The following RASAL1 variants were observed in gnomAD, a reference collection of about 807,000 sequenced individuals.
The protein encoded by RASAL1 is RAS protein activator like 1.
A neutral mutation model predicts 96.6 loss-of-function variants in RASAL1; 72 were observed. The observed-to-expected ratio is 0.75, with a 90% CI of 0.62 to 0.91. The LOEUF is 0.91. Ranked by LOEUF, RASAL1 falls within the 40% of genes least tolerant of loss-of-function variation. The pLI, the probability that RASAL1 is intolerant of heterozygous loss-of-function variation, is 0.00. For missense variants in RASAL1, 1,016 were observed against 1,072.5 expected (o/e 0.95, Z 0.74); for synonymous variants, 405 against 430.4 (o/e 0.94, Z 0.73).
intron 13 of RASAL1, among the ~76,000 whole-genome samples, chr12:113,111,094 CT>C (rs1950850668): frequency 6.6e-6 from 1 of 152,088 alleles, no homozygotes; most frequent in Non-Finnish European, 1.5e-5. Context: ...ACCCCACGCG[CT>C]GCTTGCTTTG....
intron 1 of RASAL1, 70 bp from the exon 2 acceptor site, chr12:113,131,011 G>T: frequency 8.2e-7 from 1 of 1,219,236 alleles, no homozygotes; most frequent in Non-Finnish European, 1.2e-6. Flanking sequence ...TCCCAGTCAT[G>T]ACACAGGCAG....
intron 13 of RASAL1, among the ~76,000 whole-genome samples, chr12:113,109,736 G>T (rs1468040963): frequency 6.6e-6 from 1 of 152,166 alleles, no homozygotes; most frequent in Admixed American, 6.5e-5. Context: ...TAGGAGCTGG[G>T]TACCTAGAAC....
chr12:113,103,703 T>C (rs1312231897), intron 18 of RASAL1: 3 of 592,964 alleles, frequency 5.1e-6, no homozygotes, highest in Non-Finnish European at 8.9e-6. Context: ...GTGAGTACTT[T>C]AGAAATAACA....
intron 1 of RASAL1, among the ~76,000 whole-genome samples, chr12:113,133,155 G>A (rs1812695784): frequency 6.6e-6 from 1 of 152,220 alleles, no homozygotes; most frequent in Admixed American, 6.5e-5. Flanking sequence ...TGGGAGCCGA[G>A]CTCAGCACTA....
chr12:113,107,773 G>GC (rs139292837), intron 14 of RASAL1, among the ~76,000 whole-genome samples: 16,842 of 152,192 alleles, frequency 0.11, 1,102 homozygotes, highest in Middle Eastern at 0.19. Context: ...GTCCTACCAT[G>GC]GTACTCTCAT....
intron 2 of RASAL1, among the ~76,000 whole-genome samples, chr12:113,128,460 C>T (rs961585458): frequency 2.7e-5 from 4 of 149,926 alleles, no homozygotes; most frequent in Non-Finnish European, 5.9e-5. Context: ...ACTCACATAC[C>T]CAGAGTATCA....
Position 113,104,149 on chromosome 12 carries a change from G to T in RASAL1, c.1968+12C>A. 5 of 1,598,124 alleles carry T rather than the reference G, an allele frequency of 3.1e-6. No individual in the cohort carries two copies. Among genetic ancestry groups the T allele is most frequent in the Non-Finnish European group, 4.3e-6 (5 of 1,167,870 alleles). On this transcript the variant is annotated intron_variant, in intron 17 of 20. Coordinates refer to ENST00000548055, the MANE Select transcript of RASAL1 (RefSeq NM_001301202.2). Reference sequence around the variant, plus strand: ...GGGACGCCCCCCGCTCCCCATCGCGGTGGGGTCTCACCTTGCACTGGAGGT... The same window carrying T: ...GGGACGCCCCCCGCTCCCCATCGCGTTGGGGTCTCACCTTGCACTGGAGGT...
intron 18 of RASAL1, chr12:113,103,001 G>A (rs1030136054): frequency 3.8e-6 from 1 of 262,142 alleles, no homozygotes; most frequent in Admixed American, 5.5e-5. Flanking sequence ...TCACATTTAA[G>A]CAGCACCTCC....
chr12:113,105,525 C>T (rs1950613119), intron 16 of RASAL1, among the ~76,000 whole-genome samples, 189 bp downstream of exon 16: 1 of 152,266 alleles, frequency 6.6e-6, no homozygotes, highest in African/African-American at 2.4e-5. Context: ...GGTGCCTGTC[C>T]ATGTCCTGTG....
intron 4 of RASAL1, among the ~76,000 whole-genome samples, chr12:113,124,770 A>G (rs905976591): frequency 6.6e-6 from 1 of 152,220 alleles, no homozygotes; most frequent in African/African-American, 2.4e-5. Context: ...GCCCTCATGA[A>G]ATAGGATTAT....
In RASAL1 at chr12:113,128,249, C is replaced by T; in HGVS notation, c.123-71G>A. On this transcript the variant is annotated intron_variant, in intron 2 of 20. Coordinates refer to ENST00000548055, the MANE Select transcript of RASAL1 (RefSeq NM_001301202.2). ...AGGCAGACACCTGGAGACCCAGACA[C>T]ACACACACACACACACACACACACA... The T allele has an allele frequency of 1.1e-5, 4 of 368,646 alleles. No homozygotes were observed. In the South Asian group the frequency reaches 1.3e-4, roughly 12 times the overall value. The allele number at this position is 368,646 out of a possible 1,614,324, so 22.8% of individuals were successfully genotyped here. A position where few individuals can be genotyped will look rare whatever the true frequency, so the allele number is the denominator to read the frequency against.
Position 113,115,575 on chromosome 12 carries a change from G to A in RASAL1, c.1003+60C>T. 6.3e-7 allele frequency: 1 copy of A among 1,583,082 alleles called. No homozygotes were observed. The highest frequency in any genetic ancestry group is 8.6e-7 in the Non-Finnish European group (1 of 1,163,790). On this transcript the variant is annotated intron_variant, in intron 10 of 20. Transcript: ENST00000548055. The surrounding 1 kb of genome is among the most constrained non-coding windows in gnomAD (Gnocchi z 4.1). ...TGAGGCCTCCCCATTCCTCCCCCAGGACCCTCCTGCAAGCCCACCATTGAG... is the reference window on the plus strand; with the variant it reads ...TGAGGCCTCCCCATTCCTCCCCCAGAACCCTCCTGCAAGCCCACCATTGAG...
intron 12 of RASAL1, 105 bp downstream of exon 12, chr12:113,114,695 G>T: frequency 2.2e-6 from 2 of 916,856 alleles, no homozygotes. Context: ...CTGAGCAGCT[G>T]TAGCCCCAGG....
At chr12:113,118,416 CTT>C (rs1054108707) in intron 7 of RASAL1, among the ~76,000 whole-genome samples, 6 of 152,094 alleles carry the variant, frequency 3.9e-5, no homozygotes, top group African/African-American at 1.2e-4. Flanking sequence ...ATAATGGACA[CTT>C]GAGTTTTTTT....
intron 4 of RASAL1, among the ~76,000 whole-genome samples, chr12:113,125,159 T>C (rs541909260): frequency 3.4e-4 from 51 of 151,958 alleles, no homozygotes; most frequent in Non-Finnish European, 6.6e-4. Context: ...AATACATTAA[T>C]GTTAGAAGGA....
Position 113,099,648 on chromosome 12 carries a change from A to C in RASAL1, c.*281T>G, listed in dbSNP as rs2136074801. On this transcript the variant is annotated 3_prime_UTR_variant, in exon 21 of 21. Coordinates refer to ENST00000548055, the MANE Select transcript of RASAL1 (RefSeq NM_001301202.2). The stretch of plus-strand genomic sequence containing the variant: ...GATAGAGGCCAGTTTGGTGAAGTAG[A>C]GACCCCAGTCTCAGTCAAATAAGTC... 3.2e-6 allele frequency: 1 copy of C among 314,178 alleles called. No individual in the cohort carries two copies. The highest frequency in any genetic ancestry group is 5.8e-6 in the Non-Finnish European group (1 of 173,010). 19.5% of individuals were successfully genotyped at this position (314,178 alleles called of 1,614,324 possible). A position where few individuals can be genotyped will look rare whatever the true frequency, so the allele number is the denominator to read the frequency against.
At position 113,130,813 on chromosome 12, in the gene RASAL1, T is replaced by C; in HGVS notation, c.122+72A>G. ...TAAGCACTCCTTTAAATGTGAATTC[T>C]TGGTCCCAGATTCCCCAGGTCTAGA... On this transcript the variant is annotated intron_variant, in intron 2 of 20. Transcript: ENST00000548055. The surrounding 1 kb of genome is among the most constrained non-coding windows in gnomAD (Gnocchi z 5.1). The C allele has an allele frequency of 3.0e-6, 4 of 1,314,340 alleles. No homozygotes were observed. The highest frequency in any genetic ancestry group is 4.3e-6 in the Non-Finnish European group (4 of 931,930). 81.4% of individuals were successfully genotyped at this position (1,314,340 alleles called of 1,614,324 possible).
chr12:113,127,794 C>G lies in RASAL1; in HGVS notation c.298+18G>C. The G allele has an allele frequency of 6.2e-7, 1 of 1,605,848 alleles. No homozygotes were observed. The highest frequency in any genetic ancestry group is 8.5e-7 in the Non-Finnish European group (1 of 1,173,650). Reference sequence around the variant, plus strand: ...TGGGCATGGCCCCCTCCTCCCTCTGCCCATGTCCCTCGCCCACCTCGGGGG... The same window carrying G: ...TGGGCATGGCCCCCTCCTCCCTCTGGCCATGTCCCTCGCCCACCTCGGGGG... On this transcript the variant is annotated intron_variant, in intron 4 of 20. Transcript: ENST00000548055.
intron 20 of RASAL1, 42 bp from the exon 21 acceptor site, chr12:113,100,110 G>T: frequency 6.5e-7 from 1 of 1,537,934 alleles, no homozygotes; most frequent in Non-Finnish European, 8.8e-7. Flanking sequence ...AGCCAGTCCA[G>T]GGCAGGCTGC....
Sources: allele counts gnomAD v4.1 joint callset (sites outside exome capture counted in the v4.1 genomes callset), GRCh38; gene constraint gnomAD v4.1.1; non-coding constraint Gnocchi (gnomAD v3.1); transcripts MANE v1.5; gene names NCBI Gene and HGNC (gene_info 2026-07-23, HGNC 2026-07-21).